HM13: variants seen among roughly 807,000 people sequenced by gnomAD.
HM13 encodes histocompatibility minor 13.
HM13 carries 18 observed loss-of-function variants against 50.0 expected under a neutral mutation model. That is an observed-to-expected ratio of 0.36 (90% CI 0.25 to 0.53). The LOEUF (loss-of-function observed/expected upper bound fraction) is 0.53, where lower values mean the gene tolerates loss of function less well. Among genes scored for constraint, HM13 ranks in the 20% least tolerant of loss-of-function variants. HM13 has a pLI of 0.90. For missense variants in HM13, 393 were observed against 552.4 expected (o/e 0.71, Z 2.89); for synonymous variants, 197 against 232.6 (o/e 0.85, Z 1.39).
chr20:31,550,351 C>T (rs1983976345), intron 7 of HM13: 2 of 538,414 alleles, frequency 3.7e-6, no homozygotes, highest in East Asian at 6.0e-5. Flanking sequence ...GTGAAATGAG[C>T]CAAAATGGGA....
rs1207513595 is a variant in HM13 at position 31,569,423 on chromosome 20, AG to A, written c.*206del. The A allele has an allele frequency of 7.0e-6, 3 of 428,304 alleles. No homozygotes were observed. Among genetic ancestry groups the A allele is most frequent in the Non-Finnish European group, 1.3e-5 (3 of 234,466 alleles). 26.5% of individuals were successfully genotyped at this position (428,304 alleles called of 1,614,324 possible). On this transcript the variant is annotated 3_prime_UTR_variant, in exon 13 of 13. Coordinates refer to ENST00000398174, the MANE Select transcript of HM13 (RefSeq NM_178581.3). ...TCCTCTGCTCCTCCCCACACCCTGC[AG>A]GCAAAAGAAACCCCCAGCTTCCCCC...
intron 1 of HM13, among the ~76,000 whole-genome samples, chr20:31,516,220 C>T (rs1043363148): frequency 1.1e-4 from 16 of 152,142 alleles, no homozygotes; most frequent in East Asian, 5.8e-4. Context: ...ACAGAGGAGG[C>T]GAAGGACAGC....
At chr20:31,522,211 A>T (rs548815627) in intron 1 of HM13, among the ~76,000 whole-genome samples, 1 of 152,132 alleles carries the variant, frequency 6.6e-6, no homozygotes, top group Non-Finnish European at 1.5e-5. Context: ...GACAGCCCTG[A>T]GCCTCTGCAT....
intron 12 of HM13, among the ~76,000 whole-genome samples, chr20:31,568,595 G>A (rs1261751900): frequency 2.0e-5 from 3 of 152,220 alleles, no homozygotes; most frequent in Admixed American, 6.5e-5. Context: ...GGAAAGATTT[G>A]TATTATCTTT....
chr20:31,561,861 T>C (rs1984636290), intron 10 of HM13, 125 bp downstream of exon 10: 1 of 707,458 alleles, frequency 1.4e-6, no homozygotes, highest in Admixed American at 2.0e-5. Flanking sequence ...GGAGCAGTCA[T>C]GTCTGTGATT....
At chr20:31,568,416 C>T in intron 12 of HM13, 192 bp downstream of exon 12, 1 of 743,982 alleles carries the variant, frequency 1.3e-6, no homozygotes, top group East Asian at 2.8e-5. Context: ...AACCCCGAAG[C>T]TTCCTGCCCT....
chr20:31,568,063 C>CT lies in HM13; in HGVS notation c.1035-14dup, dbSNP rs760462280. Reference sequence around the variant, plus strand: ...CCATCTCTTTTTTTCTGTCTCTTCTCTCTCTCTCACACAGCTACGAGTCCT... The same window carrying CT: ...CCATCTCTTTTTTTCTGTCTCTTCTCTTCTCTCTCACACAGCTACGAGTCCT... On this transcript the variant is annotated splice_polypyrimidine_tract_variant and intron_variant, in intron 11 of 12. Coordinates refer to ENST00000398174, the MANE Select transcript of HM13 (RefSeq NM_178581.3). 5.7e-6 allele frequency: 9 copies of CT among 1,586,342 alleles called. No homozygotes were observed. In the East Asian group the frequency reaches 1.1e-4, roughly 20 times the overall value.
chr20:31,522,761 A>T (rs1982249061), intron 1 of HM13, among the ~76,000 whole-genome samples: 1 of 152,160 alleles, frequency 6.6e-6, no homozygotes, highest in South Asian at 2.1e-4. Flanking sequence ...AATGGTGTAT[A>T]CGGTTTAAAT....
At chr20:31,557,097 AG>A (rs1984352369) in intron 8 of HM13, among the ~76,000 whole-genome samples, 1 of 151,958 alleles carries the variant, frequency 6.6e-6, no homozygotes, top group South Asian at 2.1e-4. Flanking sequence ...AGTGAGATAG[AG>A]GGCATTTCCA....
At chr20:31,549,394 C>T (rs768793427) in intron 6 of HM13, 62 bp downstream of exon 6, 4 of 1,603,104 alleles carry the variant, frequency 2.5e-6, no homozygotes, top group Admixed American at 3.3e-5. Flanking sequence ...CATCACCCTG[C>T]CTCTCTGGCC....
At chr20:31,518,081 G>C (rs1038137074) in intron 1 of HM13, among the ~76,000 whole-genome samples, 3 of 150,732 alleles carry the variant, frequency 2.0e-5, no homozygotes, top group African/African-American at 7.3e-5. Flanking sequence ...TGTTGCCCGG[G>C]CTGGAGTGCA....
chr20:31,538,594 A>G (rs1983256645), intron 3 of HM13: 1 of 1,279,868 alleles, frequency 7.8e-7, no homozygotes, highest in East Asian at 2.9e-5. Flanking sequence ...GTTGTGGCCT[A>G]GCTGTGTGCT....
At chr20:31,538,069 C>G in intron 2 of HM13, 110 bp from the exon 3 acceptor site, 1 of 1,269,566 alleles carries the variant, frequency 7.9e-7, no homozygotes, top group Non-Finnish European at 1.1e-6. Context: ...CTGACTGTCC[C>G]CCGACTCAAG....
At chr20:31,542,051 C>A (rs1983477175) in intron 3 of HM13, among the ~76,000 whole-genome samples, 1 of 152,238 alleles carries the variant, frequency 6.6e-6, no homozygotes, top group Non-Finnish European at 1.5e-5. Flanking sequence ...CTCCCAAGGA[C>A]TGGCAGAGGA....
At position 31,549,077 on chromosome 20, in the gene HM13, T is replaced by C. The variant is rs1199784725; in HGVS notation, c.503T>C (p.Leu168Pro). ...FDTKDLVCLG[L>P]SSIVGVWYLL... ...ACCAAGGACCTGGTGTGCCTGGGCC[T>C]GAGCAGCATCGTTGGCGTCTGGTAC... The change falls in exon 5 of 13, where the codon CTG becomes CCG. Residue 168 changes from leucine to proline, a missense_variant. By Grantham distance (98) the Leu-to-Pro change is moderately conservative (BLOSUM62 -3). Coordinates refer to ENST00000398174, the MANE Select transcript of HM13 (RefSeq NM_178581.3). 3.7e-6 allele frequency: 6 copies of C among 1,613,972 alleles called. No individual in the cohort carries two copies. Among genetic ancestry groups the C allele is most frequent in the Non-Finnish European group, 5.1e-6 (6 of 1,180,010 alleles).
Position 31,544,959 on chromosome 20 carries a change from T to G in HM13, c.378T>G (p.Asn126Lys). The G allele has an allele frequency of 6.2e-7, 1 of 1,614,134 alleles. No homozygotes were observed. The highest frequency in any genetic ancestry group is 8.5e-7 in the Non-Finnish European group (1 of 1,179,954). Residue 126 changes from asparagine to lysine, a missense_variant, in exon 4 of 13, where the codon AAT becomes AAG. Asn to Lys is a moderately conservative substitution (Grantham distance 94). This residue lies in a region of HM13 where 214 missense variants were observed against 276.1 expected (regional missense o/e 0.77). Transcript: ENST00000398174. Reference sequence around the variant, plus strand: ...TCTTTCCTTCCAGCCCCTTCATGAATAAGTTTTTTCCAGCCAGCTTTCCAA... The same window carrying G: ...TCTTTCCTTCCAGCCCCTTCATGAAGAAGTTTTTTCCAGCCAGCTTTCCAA... The part of the protein sequence containing the change: ...ALSHTISPFM[N>K]KFFPASFPNR...
intron 4 of HM13, among the ~76,000 whole-genome samples, chr20:31,547,113 G>T (rs943927869): frequency 3.3e-5 from 5 of 152,146 alleles, no homozygotes; most frequent in Non-Finnish European, 7.4e-5. Flanking sequence ...TATAAGAGAA[G>T]CTGGAAAATG....
At chr20:31,561,815 C>A in intron 10 of HM13, 79 bp downstream of exon 10, 1 of 1,009,226 alleles carries the variant, frequency 9.9e-7, no homozygotes, top group Non-Finnish European at 1.6e-6. Flanking sequence ...TTTGTAAATG[C>A]AAGCAGTCCA....
Position 31,554,425 on chromosome 20 carries a change from G to GT in HM13, c.725-320dup, listed in dbSNP as rs1448890410. 2.0e-5 allele frequency among the ~76,000 whole-genome samples: 3 copies of GT among 152,056 alleles called. No individual in the cohort carries two copies. The East Asian group carries it at 5.8e-4, about 29-fold the overall frequency. On this transcript the variant is annotated intron_variant, in intron 7 of 12. Transcript: ENST00000398174. ...AGGCCGGGAGCGGTGGCTCACGCCT[G>GT]TAACTCCAGCACTTTGGGAGGTCGA...
Sources: allele counts gnomAD v4.1 joint callset (sites outside exome capture counted in the v4.1 genomes callset), GRCh38; gene constraint gnomAD v4.1.1; regional missense constraint gnomAD v4.1.1; transcripts MANE v1.5; gene names NCBI Gene and HGNC (gene_info 2026-07-23, HGNC 2026-07-21).